Variants in MAP4K5 observed in about 807,000 individuals in gnomAD.
The protein encoded by MAP4K5 is mitogen-activated protein kinase kinase kinase kinase 5.
A neutral mutation model predicts 135.6 loss-of-function variants in MAP4K5; 82 were observed. That is an observed-to-expected ratio of 0.60 (90% CI 0.51 to 0.73). The LOEUF is 0.73. Ranked by LOEUF, MAP4K5 falls within the 30% of genes least tolerant of loss-of-function variation. The probability of loss-of-function intolerance (pLI) is 0.00; values close to 1 mark genes in which losing one functional copy is unlikely to be tolerated. For synonymous variants in MAP4K5, 347 were observed against 335.0 expected, an observed-to-expected ratio of 1.04 and a Z score of -0.39; for missense variants, 907 against 1,010.9, an observed-to-expected ratio of 0.90 and a Z score of 1.39.
rs79732918 is a variant in MAP4K5, at chr14:50,516,931, C to T, written c.109-12074G>A. ...CCTAAGCTCTAATTCTAACTCTGCTCAGATAAAAATATAAGTTTGCTTCTA... is the reference window on the plus strand; with the variant it reads ...CCTAAGCTCTAATTCTAACTCTGCTTAGATAAAAATATAAGTTTGCTTCTA... On this transcript the variant is annotated intron_variant, in intron 2 of 32. Transcript: ENST00000682126. 1.2e-3 allele frequency among the ~76,000 whole-genome samples: 178 copies of T among 152,164 alleles called. 2 individuals are homozygous for T. In the East Asian group the frequency reaches 0.032, roughly 27 times the overall value.
intron 14 of MAP4K5, 85 bp from the exon 15 acceptor site, chr14:50,448,917 TG>T: frequency 1.6e-6 from 1 of 608,110 alleles, no homozygotes. Flanking sequence ...GTATATGGGG[TG>T]GGGGAGGGAG....
intron 28 of MAP4K5, among the ~76,000 whole-genome samples, chr14:50,433,321 G>A (rs923562181): frequency 6.6e-6 from 1 of 152,206 alleles, no homozygotes; most frequent in Non-Finnish European, 1.5e-5. Context: ...TCCATAAAGA[G>A]TATGTTTTAT....
rs559083960 is a variant in MAP4K5, at chr14:50,428,083, G to T, written c.2326+579C>A. Among the ~76,000 whole-genome samples the T allele has an allele frequency of 5.9e-5, 9 of 152,290 alleles. No homozygotes were observed. In the East Asian group the frequency reaches 1.2e-3, roughly 20 times the overall value. On this transcript the variant is annotated intron_variant, in intron 30 of 32. Coordinates refer to ENST00000682126, the MANE Select transcript of MAP4K5 (RefSeq NM_006575.6). ...TTTAAATATTCAGGAAACAATAAAA[G>T]ATTTATGATGGTCTGAACCTGCACT...
Position 50,445,870 on chromosome 14 carries a change from C to T in MAP4K5, c.1185+209G>A, listed in dbSNP as rs116172056. Among the ~76,000 whole-genome samples, 328 of 152,128 alleles carry T rather than the reference C, an allele frequency of 2.2e-3. 2 individuals are homozygous for T. The highest frequency in any genetic ancestry group is 7.4e-3 in the African/African-American group (308 of 41,512). ...GCGTGAGCCACCAACCACGCCTGGC[C>T]GCCTTTTTCTAATAGCTATTAAAAA... On this transcript the variant is annotated intron_variant, in intron 17 of 32. Coordinates refer to ENST00000682126, the MANE Select transcript of MAP4K5 (RefSeq NM_006575.6).
intron 6 of MAP4K5, among the ~76,000 whole-genome samples, chr14:50,477,309 T>G (rs1296343863): frequency 1.3e-5 from 2 of 152,240 alleles, no homozygotes; most frequent in African/African-American, 4.8e-5. Context: ...TTGATTTTTG[T>G]ACATTGATAG....
At chr14:50,490,159 G>GTGTGTGTGTGTATGTA (rs71441284) in intron 3 of MAP4K5, among the ~76,000 whole-genome samples, 1 of 137,922 alleles carries the variant, frequency 7.3e-6, no homozygotes, top group East Asian at 2.2e-4. Context: ...GTGTGTGTGT[G>GTGTGTGTGTGTATGTA]TAAGGGAACT....
At chr14:50,430,721 T>C (rs746548732) in intron 28 of MAP4K5, among the ~76,000 whole-genome samples, 5 of 152,218 alleles carry the variant, frequency 3.3e-5, no homozygotes, top group Non-Finnish European at 7.3e-5. Context: ...CTTTCTGATA[T>C]AGGACTGAGC....
At chr14:50,514,011 T>C (rs918345455) in intron 2 of MAP4K5, among the ~76,000 whole-genome samples, 2 of 152,200 alleles carry the variant, frequency 1.3e-5, no homozygotes, top group Non-Finnish European at 2.9e-5. Context: ...AAGTCAACTA[T>C]GTCATAGGCT....
intron 14 of MAP4K5, among the ~76,000 whole-genome samples, chr14:50,451,667 T>C (rs1271848101): frequency 6.6e-6 from 1 of 152,136 alleles, no homozygotes; most frequent in Non-Finnish European, 1.5e-5. Flanking sequence ...GTTACAGGTT[T>C]TTTTTTTCAA....
chr14:50,454,188 T>C (rs1230979865), intron 14 of MAP4K5, among the ~76,000 whole-genome samples: 1 of 152,184 alleles, frequency 6.6e-6, no homozygotes, highest in Non-Finnish European at 1.5e-5. Context: ...TAATTCCATT[T>C]ACCTGAAGGT....
chr14:50,527,387 G>T (rs1461471747), intron 2 of MAP4K5, among the ~76,000 whole-genome samples: 1 of 150,172 alleles, frequency 6.7e-6, no homozygotes, highest in Non-Finnish European at 1.5e-5. Context: ...TCTAGCCTGG[G>T]CAAAAGAGCA....
At chr14:50,518,932 T>C (rs2038090739) in intron 2 of MAP4K5, among the ~76,000 whole-genome samples, 2 of 152,184 alleles carry the variant, frequency 1.3e-5, no homozygotes, top group Admixed American at 6.5e-5. Context: ...GAATAATTGG[T>C]TAAAATTCAC....
chr14:50,537,098 G>GA (rs2038503030), upstream of MAP4K5, among the ~76,000 whole-genome samples: 1 of 152,218 alleles, frequency 6.6e-6, no homozygotes, highest in South Asian at 2.1e-4. Context: ...GGAGACCTAG[G>GA]AGGAAAAAGT....
At chr14:50,531,895 CG>C (rs767527336) in intron 2 of MAP4K5, 46 bp downstream of exon 2, 120 of 1,334,986 alleles carry the variant, frequency 9.0e-5, no homozygotes, top group Non-Finnish European at 1.1e-4. Flanking sequence ...GCCCCATTCC[CG>C]GGACCCAGTC....
At chr14:50,437,257 G>C (rs1024089974) in intron 26 of MAP4K5, among the ~76,000 whole-genome samples, 5 of 152,100 alleles carry the variant, frequency 3.3e-5, no homozygotes, top group African/African-American at 1.2e-4. Flanking sequence ...AAAAACTCTA[G>C]GAACACTATG....
intron 11 of MAP4K5, among the ~76,000 whole-genome samples, chr14:50,464,534 T>C (rs888377789): frequency 6.6e-6 from 1 of 152,222 alleles, no homozygotes; most frequent in African/African-American, 2.4e-5. Flanking sequence ...AGAGACTATT[T>C]AAATCCCAAA....
At chr14:50,528,809 T>G (rs1483214436) in intron 2 of MAP4K5, among the ~76,000 whole-genome samples, 2 of 152,192 alleles carry the variant, frequency 1.3e-5, no homozygotes, top group Non-Finnish European at 2.9e-5. Context: ...TATCCTACAT[T>G]GAAAATACTT....
intron 5 of MAP4K5, chr14:50,483,086 T>C (rs1345920182): frequency 1.3e-5 from 2 of 152,206 alleles, no homozygotes; most frequent in South Asian, 2.1e-4. Context: ...TATAACTAAT[T>C]ATACAGAGAA....
chr14:50,462,584 A>C lies in MAP4K5; in HGVS notation c.936+81T>G, dbSNP rs1224838161. On this transcript the variant is annotated intron_variant, in intron 13 of 32. Coordinates refer to ENST00000682126, the MANE Select transcript of MAP4K5 (RefSeq NM_006575.6). ...TTTAACTAAGTTAAAAGATAGACTC[A>C]GAAAACAAAGAAAAAAAAGCAAACT... 4 of 887,456 alleles carry C rather than the reference A, an allele frequency of 4.5e-6. No individual in the cohort carries two copies. The East Asian group carries it at 9.9e-5, about 22-fold the overall frequency. The allele number at this position is 887,456 out of a possible 1,614,324, so 55.0% of individuals were successfully genotyped here.
Sources: allele counts gnomAD v4.1 joint callset (sites outside exome capture counted in the v4.1 genomes callset), GRCh38; gene constraint gnomAD v4.1.1; transcripts MANE v1.5; gene names NCBI Gene and HGNC (gene_info 2026-07-23, HGNC 2026-07-21).